Variants in NFASC observed in about 807,000 individuals in gnomAD.
The protein encoded by NFASC is neurofascin.
A neutral mutation model predicts 147.5 loss-of-function variants in NFASC; 43 were observed. That is an observed-to-expected ratio of 0.29 (90% CI 0.23 to 0.38). NFASC has a LOEUF of 0.38. Ranked by LOEUF, NFASC falls within the 10% of genes least tolerant of loss-of-function variation. The pLI, the probability that NFASC is intolerant of heterozygous loss-of-function variation, is 1.00. For missense variants in NFASC, 1,320 were observed against 1,689.0 expected, an observed-to-expected ratio of 0.78 and a Z score of 3.83; for synonymous variants, 622 against 665.5, an observed-to-expected ratio of 0.93 and a Z score of 1.01.
chr1:204,984,887 G>T (rs1368495233), intron 21 of NFASC, among the ~76,000 whole-genome samples: 1 of 152,208 alleles, frequency 6.6e-6, no homozygotes, highest in Non-Finnish European at 1.5e-5. Flanking sequence ...GAGGGAGGCA[G>T]TAACTGTGAT....
At chr1:204,941,448 A>G (rs2802829) in intron 2 of NFASC, among the ~76,000 whole-genome samples, 33,067 of 152,012 alleles carry the variant, frequency 0.22, 5,897 homozygotes, top group African/African-American at 0.49. Context: ...TGGCTTCCTA[A>G]TTCTATCAAG....
intron 29 of NFASC, 86 bp downstream of exon 29, chr1:205,012,952 G>A: frequency 1.0e-6 from 1 of 956,052 alleles, no homozygotes; most frequent in Non-Finnish European, 1.7e-6. Flanking sequence ...GCTCCGCTTG[G>A]CTGAGAGGCC....
chr1:204,855,442 A>C (rs1176726919), intron 1 of NFASC, among the ~76,000 whole-genome samples: 2 of 152,222 alleles, frequency 1.3e-5, no homozygotes, highest in Non-Finnish European at 2.9e-5. Flanking sequence ...ATACATGGTG[A>C]AAAAACGAAA....
chr1:205,012,047 AAAAC>A (rs577124932), intron 28 of NFASC, among the ~76,000 whole-genome samples: 50 of 152,336 alleles, frequency 3.3e-4, no homozygotes, highest in Non-Finnish European at 5.4e-4. Context: ...CCACTGCAAA[AAAAC>A]AAACAAAAAA....
rs111700110 is a variant in NFASC at position 204,937,153 on chromosome 1, T to TAA, written c.-90-7063_-90-7062dup. ...CAATCACTACTGTGGTTTCTTTCTT[T>TAA]AAAAAAAAAAACACTTCTAGAGCAG... On this transcript the variant is annotated intron_variant, in intron 2 of 29. Coordinates refer to ENST00000339876, the MANE Select transcript of NFASC (RefSeq NM_001005388.3). Among the ~76,000 whole-genome samples the TAA allele has an allele frequency of 8.3e-3, 1,232 of 147,644 alleles. 11 individuals are homozygous for TAA. The highest frequency in any genetic ancestry group is 0.012 in the African/African-American group (491 of 40,504).
intron 2 of NFASC, among the ~76,000 whole-genome samples, chr1:204,941,212 A>C (rs528144014): frequency 2.0e-5 from 3 of 152,338 alleles, no homozygotes; most frequent in South Asian, 4.1e-4. Context: ...TCTGAAAAGA[A>C]AGGGGATTGG....
chr1:204,907,010 T>A (rs956354866), intron 1 of NFASC, among the ~76,000 whole-genome samples: 3 of 152,224 alleles, frequency 2.0e-5, no homozygotes, highest in African/African-American at 7.2e-5. Flanking sequence ...ATATGGCAAC[T>A]GTATGTGTAA....
intron 12 of NFASC, 116 bp from the exon 13 acceptor site, chr1:204,974,063 G>A (rs960042234): frequency 2.7e-6 from 2 of 738,728 alleles, no homozygotes; most frequent in African/African-American, 3.5e-5. Flanking sequence ...ATAGGGGAAG[G>A]TGTCTCAGTG....
rs201711124 is a variant in NFASC, at chr1:204,830,652, G to C, written c.-200+1870G>C. 3.1e-4 allele frequency among the ~76,000 whole-genome samples: 44 copies of C among 140,122 alleles called. No homozygotes were observed. In the East Asian group the frequency reaches 0.015, roughly 46 times the overall value. The allele number at this position is 140,122 out of a possible 152,430, so 91.9% of individuals were successfully genotyped here. A position where few individuals can be genotyped will look rare whatever the true frequency, so the allele number is the denominator to read the frequency against. ...GATGTGTGTGTGTGTTGTGTGATGTGTGTATAGAGAGAGAGAGAGAGAGAG... is the reference window on the plus strand; with the variant it reads ...GATGTGTGTGTGTGTTGTGTGATGTCTGTATAGAGAGAGAGAGAGAGAGAG... On this transcript the variant is annotated intron_variant, in intron 1 of 29. Coordinates refer to ENST00000339876, the MANE Select transcript of NFASC (RefSeq NM_001005388.3).
intron 3 of NFASC, chr1:204,944,625 C>G (rs949242448): frequency 1.9e-6 from 1 of 525,290 alleles, no homozygotes; most frequent in Non-Finnish European, 3.3e-6. Context: ...TTTCTCAGGG[C>G]TGTGGCTGAG....
intron 20 of NFASC, 89 bp downstream of exon 20, chr1:204,980,529 C>A: frequency 2.1e-6 from 2 of 974,498 alleles, no homozygotes; most frequent in East Asian, 5.3e-5. Context: ...CACTACGAGG[C>A]CATGATGTGG....
intron 23 of NFASC, chr1:204,989,042 A>C: frequency 1.8e-6 from 1 of 566,828 alleles, no homozygotes; most frequent in Non-Finnish European, 3.1e-6. Flanking sequence ...ACTTGCCCTG[A>C]CTTGCTCAGT....
intron 1 of NFASC, among the ~76,000 whole-genome samples, chr1:204,859,251 C>T (rs975105228): frequency 6.6e-6 from 1 of 152,194 alleles, no homozygotes; most frequent in South Asian, 2.1e-4. Flanking sequence ...TGACTTCTAA[C>T]CATGCTCTGC....
intron 2 of NFASC, among the ~76,000 whole-genome samples, chr1:204,936,595 G>C (rs2092859670): frequency 6.6e-6 from 1 of 152,182 alleles, no homozygotes; most frequent in Non-Finnish European, 1.5e-5. Context: ...GGCTGCACAG[G>C]GTGGGGGTCT....
At chr1:204,940,745 G>A (rs1405291014) in intron 2 of NFASC, among the ~76,000 whole-genome samples, 2 of 152,124 alleles carry the variant, frequency 1.3e-5, no homozygotes, top group African/African-American at 4.8e-5. Flanking sequence ...GTGTTTTCAG[G>A]ATTCATCCAT....
chr1:205,012,671 T>G, intron 28 of NFASC, 126 bp from the exon 29 acceptor site: 1 of 761,408 alleles, frequency 1.3e-6, no homozygotes, highest in Non-Finnish European at 2.4e-6. Context: ...GGATGGTGCC[T>G]TGTTAAAAAA....
chr1:204,954,687 G>C lies in NFASC; in HGVS notation c.413-142G>C. On this transcript the variant is annotated intron_variant, in intron 6 of 29. Coordinates refer to ENST00000339876, the MANE Select transcript of NFASC (RefSeq NM_001005388.3). The surrounding 1 kb of genome is among the most constrained non-coding windows in gnomAD (Gnocchi z 5.7). ...AGGGCGGCCCCTTGAGTAGGCTCACGTGCCCCGTCCCTCTCTCTTGCTCCC... is the reference window on the plus strand; with the variant it reads ...AGGGCGGCCCCTTGAGTAGGCTCACCTGCCCCGTCCCTCTCTCTTGCTCCC... 9.8e-7 allele frequency: 1 copy of C among 1,015,334 alleles called. No homozygotes were observed. Among genetic ancestry groups the C allele is most frequent in the African/African-American group, 1.6e-5 (1 of 62,166 alleles). 62.9% of individuals were successfully genotyped at this position (1,015,334 alleles called of 1,614,324 possible). A position where few individuals can be genotyped will look rare whatever the true frequency, so the allele number is the denominator to read the frequency against.
At chr1:204,947,690 G>T (rs186690244) in intron 3 of NFASC, among the ~76,000 whole-genome samples, 1 of 150,702 alleles carries the variant, frequency 6.6e-6, no homozygotes, top group Non-Finnish European at 1.5e-5. Flanking sequence ...GCCAAGGGTC[G>T]CCTCATCAAC....
chr1:204,911,910 A>G (rs1052624548), intron 1 of NFASC, among the ~76,000 whole-genome samples: 2 of 152,208 alleles, frequency 1.3e-5, no homozygotes, highest in Non-Finnish European at 2.9e-5. Context: ...TTATGTGTGT[A>G]GAGTTTTCAT....
Sources: allele counts gnomAD v4.1 joint callset (sites outside exome capture counted in the v4.1 genomes callset), GRCh38; gene constraint gnomAD v4.1.1; non-coding constraint Gnocchi (gnomAD v3.1); transcripts MANE v1.5; gene names NCBI Gene and HGNC (gene_info 2026-07-23, HGNC 2026-07-21).